Variants in ZNF608 observed in about 807,000 individuals in gnomAD.
ZNF608 encodes zinc finger protein 608, also known as renal carcinoma antigen NY-REN-36.
Under a neutral mutation model 109.0 loss-of-function variants are expected in ZNF608, and 12 were observed. That is an observed-to-expected ratio of 0.11 (90% CI 0.07 to 0.18). The LOEUF (loss-of-function observed/expected upper bound fraction) is 0.18, where lower values mean the gene tolerates loss of function less well. ZNF608 is among the 10% of genes least tolerant of loss of function. ZNF608 has a pLI of 1.00. For missense variants in ZNF608, 1,707 were observed against 1,879.3 expected (o/e 0.91, Z 1.70); for synonymous variants, 732 against 717.4 (o/e 1.02, Z -0.33).
intron 2 of ZNF608, among the ~76,000 whole-genome samples, chr5:124,725,859 C>T (rs1754116107): frequency 6.6e-6 from 1 of 152,078 alleles, no homozygotes; most frequent in Admixed American, 6.6e-5. Flanking sequence ...TCATCATTCC[C>T]ATCAGCATAC....
chr5:124,655,413 G>T (rs771646227), intron 3 of ZNF608, among the ~76,000 whole-genome samples: 13 of 152,130 alleles, frequency 8.5e-5, no homozygotes, highest in Non-Finnish European at 1.5e-4. Flanking sequence ...GCTGAGTTTG[G>T]AATCAGACAG....
chr5:124,705,135 C>T (rs1753209123), intron 2 of ZNF608, among the ~76,000 whole-genome samples: 1 of 152,092 alleles, frequency 6.6e-6, no homozygotes. Flanking sequence ...TACAAAAGAT[C>T]AACTCCACTG....
chr5:124,747,951 A>G (rs1458205393), upstream of ZNF608, among the ~76,000 whole-genome samples: 2 of 151,940 alleles, frequency 1.3e-5, no homozygotes, highest in Admixed American at 1.3e-4. Flanking sequence ...TAATAAATAC[A>G]CCATTGTTAC....
intron 7 of ZNF608, 133 bp downstream of exon 7, chr5:124,643,378 G>T (rs6878299): frequency 1.3e-6 from 1 of 791,068 alleles, no homozygotes; most frequent in Non-Finnish European, 2.0e-6. Context: ...CATTCTTTAC[G>T]TATTAGGATA....
chr5:124,644,535 C>T lies in ZNF608; in HGVS notation c.3832G>A (p.Glu1278Lys). The T allele has an allele frequency of 6.2e-7, 1 of 1,614,164 alleles. No homozygotes were observed. Among genetic ancestry groups the T allele is most frequent in the Non-Finnish European group, 8.5e-7 (1 of 1,180,026 alleles). ...EDSPRKTPNKESGVPSLPVSL... is the reference protein window; with the variant it reads ...EDSPRKTPNKKSGVPSLPVSL... ...ACAGGAAGGCTGGGCACACCACTCT[C>T]TTTATTAGGAGTTTTCCTCGGACTA... The change falls in exon 6 of 10, where the codon GAG (glutamate) becomes AAG (lysine). Residue 1278 changes from glutamate (E) to lysine (K), a missense_variant. Glu to Lys is a moderately conservative substitution (Grantham distance 56, BLOSUM62 1). Transcript: ENST00000513986.
chr5:124,710,171 C>T (rs1283536216), intron 2 of ZNF608: 2 of 453,312 alleles, frequency 4.4e-6, no homozygotes, highest in African/African-American at 4.0e-5. Flanking sequence ...TTAGAAGTCT[C>T]TCATCCTTAT....
intron 2 of ZNF608, among the ~76,000 whole-genome samples, chr5:124,721,952 A>AAAAAAAAAAAAAAAAAAAAC: frequency 7.2e-6 from 1 of 139,156 alleles, no homozygotes; most frequent in African/African-American, 2.6e-5. Flanking sequence ...AAAAAAAAAA[A>AAAAAAAAAAAAAAAAAAAAC]AAAAAAAAAA....
chr5:124,679,518 C>T (rs939621296), intron 3 of ZNF608, among the ~76,000 whole-genome samples: 4 of 150,946 alleles, frequency 2.6e-5, no homozygotes, highest in South Asian at 2.1e-4. Context: ...TGCTGGGCAC[C>T]GGGGCTACAT....
chr5:124,643,105 C>A (rs573770022), intron 7 of ZNF608, among the ~76,000 whole-genome samples: 1 of 152,142 alleles, frequency 6.6e-6, no homozygotes, highest in Admixed American at 6.5e-5. Context: ...TTGATTTGCC[C>A]AAAAAGTCAA....
chr5:124,720,962 G>A (rs1186495080), intron 2 of ZNF608, among the ~76,000 whole-genome samples: 1 of 151,196 alleles, frequency 6.6e-6, no homozygotes, highest in Non-Finnish European at 1.5e-5. Context: ...GAAAAAAGTA[G>A]CATTTCATTT....
At chr5:124,728,323 G>A (rs1453813174) in intron 2 of ZNF608, among the ~76,000 whole-genome samples, 1 of 152,054 alleles carries the variant, frequency 6.6e-6, no homozygotes, top group Non-Finnish European at 1.5e-5. Flanking sequence ...ATAGGCTTTA[G>A]GTGGATAGGA....
At chr5:124,669,428 A>G (rs1271988768) in intron 3 of ZNF608, among the ~76,000 whole-genome samples, 4 of 152,202 alleles carry the variant, frequency 2.6e-5, no homozygotes, top group Non-Finnish European at 4.4e-5. Context: ...GCCTGCTCTC[A>G]TGGAGATGGT....
intron 3 of ZNF608, among the ~76,000 whole-genome samples, chr5:124,656,641 G>A (rs7733589): frequency 0.055 from 8,302 of 151,968 alleles, 399 homozygotes; most frequent in African/African-American, 0.12. Flanking sequence ...GAAAAATGCT[G>A]TTCTACTCTG....
rs750383112 is a variant in ZNF608 at position 124,648,133 on chromosome 5, C to A, written c.2251G>T (p.Ala751Ser). The A allele has an allele frequency of 4.3e-6, 7 of 1,611,714 alleles. 1 individual carries two copies. In the South Asian group the frequency reaches 4.4e-5, roughly 10 times the overall value. ...GTTGTAAAGGTTGCAGTGGGTATAG[C>A]GATTAGCTGCGGGGGAGTGGGGGCT... ...APAPTPPQLI[A>S]IPTATFTTTT... Residue 751 changes from alanine to serine, a missense_variant, in exon 5 of 10, where the codon GCT (alanine) becomes TCT (serine). By Grantham distance (99) the Ala-to-Ser change is moderately conservative (BLOSUM62 1). This residue lies in a region of ZNF608 where 1,073 missense variants were observed against 1,133.5 expected (regional missense o/e 0.95). Coordinates refer to ENST00000513986, the MANE Select transcript of ZNF608 (RefSeq NM_020747.3).
At chr5:124,703,307 T>C (rs1244922691) in intron 2 of ZNF608, among the ~76,000 whole-genome samples, 1 of 152,192 alleles carries the variant, frequency 6.6e-6, no homozygotes, top group Non-Finnish European at 1.5e-5. Flanking sequence ...AGATGAGTCT[T>C]ATAGCGTATC....
At chr5:124,702,432 T>TCATAGATTCCCAGTTATC (rs11274163) in intron 2 of ZNF608, among the ~76,000 whole-genome samples, 131,280 of 151,920 alleles carry the variant, frequency 0.86, 56,944 homozygotes, top group East Asian at 0.99. Flanking sequence ...ATTCTGCTGT[T>TCATAGATTCCCAGTTATC]CACTGTAAGT....
chr5:124,717,616 T>C (rs1403154174), intron 2 of ZNF608, among the ~76,000 whole-genome samples: 1 of 152,204 alleles, frequency 6.6e-6, no homozygotes, highest in East Asian at 1.9e-4. Flanking sequence ...TCTGAAACAA[T>C]ACAGTCCAAG....
At chr5:124,640,904 C>G (rs552048724) in intron 8 of ZNF608, among the ~76,000 whole-genome samples, 1 of 152,260 alleles carries the variant, frequency 6.6e-6, no homozygotes. Flanking sequence ...CCAAAGCTTC[C>G]CACCATCCCT....
chr5:124,733,492 C>T (rs1416100295), intron 2 of ZNF608, among the ~76,000 whole-genome samples: 1 of 152,090 alleles, frequency 6.6e-6, no homozygotes, highest in Admixed American at 6.6e-5. Flanking sequence ...TGCTAAGTTG[C>T]AAATACAGCA....
Sources: gnomAD v4.1 joint callset for allele counts (sites outside exome capture counted in the v4.1 genomes callset) on GRCh38, gnomAD v4.1.1 for gene constraint, gnomAD v4.1.1 regional missense constraint, MANE v1.5 for transcripts, NCBI Gene and HGNC (gene_info 2026-07-23, HGNC 2026-07-21) for gene names.